The following TNKS variants were observed in gnomAD, a reference collection of about 807,000 sequenced individuals.
TNKS encodes the protein tankyrase.
In TNKS, 72 loss-of-function variants were observed where a neutral mutation model predicts 135.8. The ratio of observed to expected loss-of-function variants is 0.53; its 90% CI spans 0.44 to 0.64. The LOEUF (loss-of-function observed/expected upper bound fraction) is 0.64, where lower values mean the gene tolerates loss of function less well. Among genes scored for constraint, TNKS ranks in the 30% least tolerant of loss-of-function variants. The pLI, the probability that TNKS is intolerant of heterozygous loss-of-function variation, is 0.00. For missense variants in TNKS, 1,769 were observed against 1,674.0 expected (o/e 1.06, Z -0.99); for synonymous variants, 849 against 649.3 (o/e 1.31, Z -4.68).
intron 14 of TNKS, 70 bp downstream of exon 14, chr8:9,731,105 G>A (rs965072227): frequency 5.7e-6 from 8 of 1,415,818 alleles, no homozygotes; most frequent in Non-Finnish European, 7.4e-6. Context: ...TATTTTTGAA[G>A]TCTTAGATTT....
intron 3 of TNKS, among the ~76,000 whole-genome samples, chr8:9,657,784 C>T (rs1234101463): frequency 3.6e-4 from 54 of 148,012 alleles, no homozygotes; most frequent in Non-Finnish European, 7.0e-4. Flanking sequence ...GGGGGCTGAC[C>T]CCCCCACCTC....
chr8:9,717,101 A>ATATATAT (rs1454492300), intron 11 of TNKS, among the ~76,000 whole-genome samples: 1 of 119,336 alleles, frequency 8.4e-6, no homozygotes, highest in African/African-American at 2.9e-5. Context: ...ATATATATAT[A>ATATATAT]TTTTCAGGGA....
chr8:9,766,657 T>C (rs935755679), intron 25 of TNKS, among the ~76,000 whole-genome samples: 1 of 152,074 alleles, frequency 6.6e-6, no homozygotes, highest in Admixed American at 6.5e-5. Context: ...AGCAAATTTT[T>C]GTATTTTTAG....
chr8:9,708,355 A>G lies in TNKS; in HGVS notation c.1457-16A>G. 3.2e-6 allele frequency: 5 copies of G among 1,548,962 alleles called. No homozygotes were observed. The highest frequency in any genetic ancestry group is 4.4e-6 in the Non-Finnish European group (5 of 1,147,060). ...TTTTACATCTTTTTTTATGTCAACC[A>G]TTGTTTCATTGACAGATGAATTTAA... On this transcript the variant is annotated splice_polypyrimidine_tract_variant and intron_variant, in intron 8 of 26. Coordinates refer to ENST00000310430, the MANE Select transcript of TNKS (RefSeq NM_003747.3).
chr8:9,735,798 TC>T (rs1157675061), intron 17 of TNKS, among the ~76,000 whole-genome samples: 3 of 151,986 alleles, frequency 2.0e-5, no homozygotes, highest in Non-Finnish European at 2.9e-5. Context: ...AGACTCTGAC[TC>T]AAAATAAATA....
At position 9,559,727 on chromosome 8, in the gene TNKS, T is replaced by C. The variant is rs146424512; in HGVS notation, c.673+3115T>C. 7.1e-3 allele frequency among the ~76,000 whole-genome samples: 1,084 copies of C among 152,298 alleles called. 15 individuals carry two copies. The highest frequency in any genetic ancestry group is 0.025 in the African/African-American group (1,047 of 41,560). ...GGTATTTGGAAATCATTTTTAAAGA[T>C]CTCAGATGTGGTATGAAACCATATT... On this transcript the variant is annotated intron_variant, in intron 1 of 26. Transcript: ENST00000310430.
chr8:9,630,959 C>T (rs985397284), intron 3 of TNKS, among the ~76,000 whole-genome samples: 35 of 152,054 alleles, frequency 2.3e-4, no homozygotes, highest in African/African-American at 5.3e-4. Flanking sequence ...TTCTCCTTGA[C>T]GAAGCAGTAC....
chr8:9,697,646 C>G (rs1420264127), intron 5 of TNKS, among the ~76,000 whole-genome samples: 3 of 152,100 alleles, frequency 2.0e-5, no homozygotes, highest in Non-Finnish European at 4.4e-5. Context: ...AGACATTTTT[C>G]AAAATAAGAC....
intron 1 of TNKS, among the ~76,000 whole-genome samples, chr8:9,564,076 T>C (rs1167794571): frequency 6.6e-6 from 1 of 152,206 alleles, no homozygotes; most frequent in Non-Finnish European, 1.5e-5. Context: ...CATCATCATT[T>C]TATACCTCTG....
intron 12 of TNKS, among the ~76,000 whole-genome samples, chr8:9,724,301 A>T (rs887185209): frequency 1.3e-5 from 2 of 152,124 alleles, no homozygotes; most frequent in Admixed American, 1.3e-4. Flanking sequence ...AAATTTTTAA[A>T]AATTAGCCGG....
At chr8:9,756,102 A>G (rs1806819986) in intron 20 of TNKS, among the ~76,000 whole-genome samples, 1 of 152,174 alleles carries the variant, frequency 6.6e-6, no homozygotes, top group African/African-American at 2.4e-5. Flanking sequence ...TAGAACATAA[A>G]TGCTATCACT....
chr8:9,578,164 G>A (rs1340638241), intron 1 of TNKS, among the ~76,000 whole-genome samples: 1 of 152,124 alleles, frequency 6.6e-6, no homozygotes, highest in Non-Finnish European at 1.5e-5. Context: ...TGCTCTCAAG[G>A]GCTGGTGCTG....
At chr8:9,728,260 C>T (rs1320498113) in intron 13 of TNKS, among the ~76,000 whole-genome samples, 2 of 152,030 alleles carry the variant, frequency 1.3e-5, no homozygotes, top group East Asian at 1.9e-4. Flanking sequence ...AATTTCTTCC[C>T]CAAGAGACTT....
intron 3 of TNKS, among the ~76,000 whole-genome samples, chr8:9,618,207 G>A (rs1169045870): frequency 6.6e-6 from 1 of 152,008 alleles, no homozygotes; most frequent in Non-Finnish European, 1.5e-5. Context: ...GGCTGATCTC[G>A]AACTCCTGAC....
At chr8:9,606,428 A>G (rs28615758) in intron 2 of TNKS, among the ~76,000 whole-genome samples, 29,494 of 151,810 alleles carry the variant, frequency 0.19, 3,098 homozygotes, top group East Asian at 0.29. Flanking sequence ...TTATATCTAT[A>G]TGTATTCTTA....
intron 2 of TNKS, among the ~76,000 whole-genome samples, chr8:9,614,811 G>A (rs1210618967): frequency 1.3e-5 from 2 of 152,144 alleles, no homozygotes; most frequent in Non-Finnish European, 2.9e-5. Flanking sequence ...AGATGTGGCT[G>A]ATAAATGCTT....
At chr8:9,582,689 G>C (rs572215125) in intron 2 of TNKS, among the ~76,000 whole-genome samples, 1 of 152,062 alleles carries the variant, frequency 6.6e-6, no homozygotes, top group Non-Finnish European at 1.5e-5. Context: ...GTTCCTGAGA[G>C]GATAAGCTAG....
At chr8:9,714,110 G>GATATTTTTATAA (rs1804472673) in intron 11 of TNKS, among the ~76,000 whole-genome samples, 1 of 152,162 alleles carries the variant, frequency 6.6e-6, no homozygotes, top group Non-Finnish European at 1.5e-5. Context: ...AGAACTTAGT[G>GATATTTTTATAA]GTATTTTTAT....
At chr8:9,703,214 G>T (rs957332295) in intron 5 of TNKS, among the ~76,000 whole-genome samples, 8 of 152,138 alleles carry the variant, frequency 5.3e-5, no homozygotes, top group Non-Finnish European at 7.3e-5. Context: ...CTTCAGTGTG[G>T]ATATGCTGGA....
Sources: gnomAD v4.1 joint callset for allele counts (sites outside exome capture counted in the v4.1 genomes callset) on GRCh38, gnomAD v4.1.1 for gene constraint, MANE v1.5 for transcripts, NCBI Gene and HGNC (gene_info 2026-07-23, HGNC 2026-07-21) for gene names.